ADGRB3: variants seen among roughly 807,000 people sequenced by gnomAD.
The protein encoded by ADGRB3 is adhesion G protein-coupled receptor B3, also known as brain-specific angiogenesis inhibitor 3.
In ADGRB3, 37 loss-of-function variants were observed where a neutral mutation model predicts 193.4. The observed-to-expected ratio is 0.19, with a 90% CI of 0.15 to 0.25. The LOEUF is 0.25. Ranked by LOEUF, ADGRB3 falls within the 10% of genes least tolerant of loss-of-function variation. The probability of loss-of-function intolerance (pLI) is 1.00; values close to 1 mark genes in which losing one functional copy is unlikely to be tolerated. For missense variants in ADGRB3, 1,637 were observed against 1,852.9 expected (o/e 0.88, Z 2.14); for synonymous variants, 690 against 644.2 (o/e 1.07, Z -1.08).
intron 3 of ADGRB3, among the ~76,000 whole-genome samples, chr6:68,724,157 A>T: frequency 6.6e-6 from 1 of 151,666 alleles, no homozygotes; most frequent in Middle Eastern, 3.4e-3. Flanking sequence ...TTTAAATTTT[A>T]TATGGTGCTT....
chr6:69,350,529 T>C (rs1358355583), intron 26 of ADGRB3, among the ~76,000 whole-genome samples: 5 of 152,102 alleles, frequency 3.3e-5, no homozygotes, highest in Non-Finnish European at 7.4e-5. Flanking sequence ...ATAGGTTTAG[T>C]AAAAAAATTG....
intron 3 of ADGRB3, among the ~76,000 whole-genome samples, chr6:68,837,439 A>G (rs1768066470): frequency 6.6e-6 from 1 of 152,180 alleles, no homozygotes; most frequent in African/African-American, 2.4e-5. Context: ...TATTTGTGCA[A>G]CTGTTCAAAT....
intron 26 of ADGRB3, among the ~76,000 whole-genome samples, chr6:69,346,883 A>G (rs1769101636): frequency 6.6e-6 from 1 of 152,106 alleles, no homozygotes; most frequent in Admixed American, 6.6e-5. Context: ...TACATCACTC[A>G]GCTTGCTATA....
At chr6:69,175,052 G>C (rs1290096899) in intron 17 of ADGRB3, among the ~76,000 whole-genome samples, 3 of 152,072 alleles carry the variant, frequency 2.0e-5, no homozygotes, top group African/African-American at 7.2e-5. Flanking sequence ...TTTCCATTCT[G>C]TAGGTTGTCT....
chr6:69,133,562 C>T (rs1774070837), intron 17 of ADGRB3, among the ~76,000 whole-genome samples: 1 of 152,080 alleles, frequency 6.6e-6, no homozygotes, highest in Non-Finnish European at 1.5e-5. Flanking sequence ...GGTACCATTC[C>T]TTCTGAAACT....
chr6:69,135,433 A>G (rs1415727421), intron 17 of ADGRB3, among the ~76,000 whole-genome samples: 1 of 152,054 alleles, frequency 6.6e-6, no homozygotes, highest in African/African-American at 2.4e-5. Flanking sequence ...AGAAAAATGT[A>G]GTTACCTTTG....
chr6:68,914,926 AC>A (rs1216439881), intron 3 of ADGRB3, among the ~76,000 whole-genome samples: 2 of 152,218 alleles, frequency 1.3e-5, no homozygotes, highest in Admixed American at 1.3e-4. Flanking sequence ...AATAAAATCT[AC>A]AAAACAGTTG....
At chr6:68,813,466 A>C (rs1183322495) in intron 3 of ADGRB3, among the ~76,000 whole-genome samples, 2 of 152,192 alleles carry the variant, frequency 1.3e-5, no homozygotes, top group Non-Finnish European at 2.9e-5. Context: ...AAAATAACAT[A>C]TTAGACCTAA....
chr6:68,944,884 C>T (rs923700964), intron 6 of ADGRB3, among the ~76,000 whole-genome samples: 2 of 152,098 alleles, frequency 1.3e-5, no homozygotes, highest in African/African-American at 2.4e-5. Context: ...TATAAGTAAT[C>T]GCTCTCTTCT....
At chr6:68,864,428 G>A (rs1470531944) in intron 3 of ADGRB3, among the ~76,000 whole-genome samples, 2 of 152,138 alleles carry the variant, frequency 1.3e-5, no homozygotes, top group Non-Finnish European at 2.9e-5. Context: ...GAGGAAAAGT[G>A]TGCCATTTTC....
At chr6:68,804,111 C>T (rs1225917703) in intron 3 of ADGRB3, among the ~76,000 whole-genome samples, 1 of 152,142 alleles carries the variant, frequency 6.6e-6, no homozygotes, top group Non-Finnish European at 1.5e-5. Context: ...TCAGTAGCTT[C>T]CCATTGCCTG....
At chr6:69,249,358 A>G (rs76025769) in intron 20 of ADGRB3, among the ~76,000 whole-genome samples, 2,573 of 152,290 alleles carry the variant, frequency 0.017, 69 homozygotes, top group African/African-American at 0.059. Context: ...GTATAAAACT[A>G]TGGAAAAAAC....
At chr6:68,897,950 T>C (rs1277554004) in intron 3 of ADGRB3, among the ~76,000 whole-genome samples, 2 of 147,526 alleles carry the variant, frequency 1.4e-5, no homozygotes, top group Non-Finnish European at 3.0e-5. Context: ...CAAATATATA[T>C]ATATAATATA....
At chr6:69,207,537 A>C (rs1192481804) in intron 17 of ADGRB3, among the ~76,000 whole-genome samples, 1 of 152,210 alleles carries the variant, frequency 6.6e-6, no homozygotes, top group Non-Finnish European at 1.5e-5. Flanking sequence ...ACTGAGGTAG[A>C]AGGTGCCTGA....
At chr6:69,224,463 G>GA (rs988711700) in intron 17 of ADGRB3, among the ~76,000 whole-genome samples, 2 of 151,934 alleles carry the variant, frequency 1.3e-5, no homozygotes, top group African/African-American at 4.8e-5. Flanking sequence ...TTTTTTTGAG[G>GA]AAAAAATATA....
intron 17 of ADGRB3, among the ~76,000 whole-genome samples, chr6:69,149,499 G>C (rs1265302175): frequency 6.6e-6 from 1 of 151,994 alleles, no homozygotes; most frequent in African/African-American, 2.4e-5. Context: ...TGAATGATCT[G>C]ACTGAAAGGT....
chr6:68,701,320 C>A (rs1765239443), intron 3 of ADGRB3, among the ~76,000 whole-genome samples: 3 of 152,112 alleles, frequency 2.0e-5, no homozygotes, highest in Non-Finnish European at 4.4e-5. Flanking sequence ...TTGTTTGGGA[C>A]TGGGCTGACA....
At chr6:69,036,711 A>G (rs188613768) in intron 13 of ADGRB3, among the ~76,000 whole-genome samples, 2 of 152,292 alleles carry the variant, frequency 1.3e-5, no homozygotes, top group Admixed American at 6.5e-5. Context: ...AGAATGTTCT[A>G]GTTAGAAAGA....
At chr6:68,788,106 C>T (rs912449841) in intron 3 of ADGRB3, among the ~76,000 whole-genome samples, 1 of 152,148 alleles carries the variant, frequency 6.6e-6, no homozygotes, top group African/African-American at 2.4e-5. Flanking sequence ...AAAAAACCAG[C>T]TCCTGGATTC....
Sources: allele counts gnomAD v4.1 joint callset (sites outside exome capture counted in the v4.1 genomes callset), GRCh38; gene constraint gnomAD v4.1.1; transcripts MANE v1.5; gene names NCBI Gene and HGNC (gene_info 2026-07-23, HGNC 2026-07-21).